SGK1: variants seen among roughly 807,000 people sequenced by gnomAD.
SGK1 encodes serine/threonine-protein kinase Sgk1.
Under a neutral mutation model 64.2 loss-of-function variants are expected in SGK1, and 26 were observed. The ratio of observed to expected loss-of-function variants is 0.40; its 90% CI spans 0.30 to 0.56. The LOEUF is 0.56. Ranked by LOEUF, SGK1 falls within the 20% of genes least tolerant of loss-of-function variation. The probability of loss-of-function intolerance (pLI) is 0.38; values close to 1 mark genes in which losing one functional copy is unlikely to be tolerated. For synonymous variants in SGK1, 265 were observed against 239.7 expected (o/e 1.11, Z -0.98); for missense variants, 519 against 645.6 (o/e 0.80, Z 2.12).
rs892100757 is a variant in SGK1 at position 134,240,472 on chromosome 6, T to C, written c.285+21461A>G. Among the ~76,000 whole-genome samples the C allele has an allele frequency of 3.3e-5, 5 of 150,562 alleles. No individual in the cohort carries two copies. In the South Asian group the frequency reaches 1.1e-3, roughly 32 times the overall value. ...ATGTAGGGAAAGGCATTTTGGCCAG[T>C]TAAATATTGTTCGGAATCCTGGCTC... On this transcript the variant is annotated intron_variant, in intron 2 of 13. Coordinates refer to ENST00000367858, the MANE Select transcript of SGK1 (RefSeq NM_001143676.3).
chr6:134,212,199 G>A (rs1384651757), intron 2 of SGK1, among the ~76,000 whole-genome samples: 3 of 151,720 alleles, frequency 2.0e-5, no homozygotes, highest in Non-Finnish European at 2.9e-5. Context: ...GACTACAGGC[G>A]CCTGCCACCA....
intron 3 of SGK1, among the ~76,000 whole-genome samples, chr6:134,189,596 T>G (rs1328647138): frequency 6.6e-6 from 1 of 152,234 alleles, no homozygotes; most frequent in African/African-American, 2.4e-5. Context: ...CATCAATTAG[T>G]ATCTACAATT....
chr6:134,188,426 C>T (rs1775456330), intron 3 of SGK1, among the ~76,000 whole-genome samples: 1 of 152,156 alleles, frequency 6.6e-6, no homozygotes, highest in Non-Finnish European at 1.5e-5. Flanking sequence ...GTTCTGCTCA[C>T]TGTGCGGGTA....
intron 3 of SGK1, among the ~76,000 whole-genome samples, chr6:134,185,357 A>G (rs1582696316): frequency 6.6e-6 from 1 of 152,064 alleles, no homozygotes; most frequent in Admixed American, 6.6e-5. Flanking sequence ...TCCTCCCAAA[A>G]TAGCCTTCTC....
intron 3 of SGK1, chr6:134,174,838 C>A: frequency 1.4e-5 from 22 of 1,613,534 alleles, no homozygotes; most frequent in East Asian, 2.2e-5. Context: ...AAGACGTTAG[C>A]GCTCAAAGAC....
At position 134,170,381 on chromosome 6, in the gene SGK1, G is replaced by A. The variant is rs1442331872; in HGVS notation, c.1468C>T (p.Pro490Ser). The change falls in exon 14 of 14, where the codon CCC becomes TCC. Residue 490 changes from proline (P) to serine (S), a missense_variant. This residue lies in a region of SGK1 where 278 missense variants were observed against 408.7 expected (regional missense o/e 0.68). Coordinates refer to ENST00000367858, the MANE Select transcript of SGK1 (RefSeq NM_001143676.3). ...FDPEFTEEPVPNSIGKSPDSV... is the reference protein window; with the variant it reads ...FDPEFTEEPVSNSIGKSPDSV... ...TCAGGGGACTTGCCAATGGAGTTGG[G>A]GACAGGCTCTTCGGTAAACTCGGGG... 2 of 1,614,058 alleles carry A rather than the reference G, an allele frequency of 1.2e-6. No individual in the cohort carries two copies. The highest frequency in any genetic ancestry group is 1.1e-5 in the South Asian group (1 of 91,070).
intron 2 of SGK1, among the ~76,000 whole-genome samples, chr6:134,255,705 C>A (rs577624330): frequency 6.7e-6 from 1 of 149,372 alleles, no homozygotes; most frequent in African/African-American, 2.5e-5. Context: ...CTGCCTCAGT[C>A]TTCCAAGTAG....
chr6:134,219,293 T>A (rs1776040299), intron 2 of SGK1, among the ~76,000 whole-genome samples: 1 of 151,876 alleles, frequency 6.6e-6, no homozygotes, highest in Non-Finnish European at 1.5e-5. Flanking sequence ...ATTACAGGCA[T>A]GAGCCACCGT....
rs188198079 is a variant in SGK1, at chr6:134,186,541, T to G, written c.362-11955A>C. On this transcript the variant is annotated intron_variant, in intron 3 of 13. Transcript: ENST00000367858. ...TACTCATCACAGTTGCAGTGCTTGGTTCTGTAACTGGTCACGTGATCATAG... is the reference window on the plus strand; with the variant it reads ...TACTCATCACAGTTGCAGTGCTTGGGTCTGTAACTGGTCACGTGATCATAG... Among the ~76,000 whole-genome samples, 303 of 152,326 alleles carry G rather than the reference T, an allele frequency of 2.0e-3. 1 individual carries two copies. The highest frequency in any genetic ancestry group is 6.9e-3 in the African/African-American group (288 of 41,574).
intron 2 of SGK1, among the ~76,000 whole-genome samples, chr6:134,218,492 G>A (rs1234218126): frequency 2.1e-5 from 3 of 142,014 alleles, no homozygotes; most frequent in African/African-American, 7.8e-5. Context: ...GGAGTGCAGT[G>A]GTGATCTTGG....
intron 1 of SGK1, among the ~76,000 whole-genome samples, chr6:134,262,793 GC>G (rs1184714286): frequency 6.6e-6 from 1 of 151,948 alleles, no homozygotes; most frequent in Non-Finnish European, 1.5e-5. Context: ...TATCTAAATA[GC>G]ACTTTGGGAG....
intron 3 of SGK1, among the ~76,000 whole-genome samples, chr6:134,198,223 G>C (rs1482569472): frequency 2.0e-5 from 3 of 152,130 alleles, no homozygotes; most frequent in Non-Finnish European, 4.4e-5. Context: ...TTGTAGTTAT[G>C]ACCTGAGTAA....
At chr6:134,289,975 C>T (rs1277981207) in intron 1 of SGK1, among the ~76,000 whole-genome samples, 1 of 151,650 alleles carries the variant, frequency 6.6e-6, no homozygotes, top group Non-Finnish European at 1.5e-5. Flanking sequence ...ATGGTGAAAC[C>T]CCATCTCTAC....
intron 2 of SGK1, among the ~76,000 whole-genome samples, chr6:134,247,768 A>G (rs1298917852): frequency 6.6e-6 from 1 of 152,194 alleles, no homozygotes; most frequent in Non-Finnish European, 1.5e-5. Context: ...TCTATGTCAT[A>G]CAATTTATGC....
intron 2 of SGK1, chr6:134,215,046 A>C (rs1216146825): frequency 2.2e-6 from 1 of 455,810 alleles, no homozygotes; most frequent in African/African-American, 2.0e-5. Context: ...GTGTATGAGA[A>C]TATCACATTT....
intron 1 of SGK1, among the ~76,000 whole-genome samples, chr6:134,286,253 C>A (rs1777181870): frequency 6.6e-6 from 1 of 152,148 alleles, no homozygotes; most frequent in Non-Finnish European, 1.5e-5. Context: ...CGCCTCGTGG[C>A]TCATGCCTGT....
chr6:134,199,983 G>T (rs1366619139), intron 3 of SGK1, among the ~76,000 whole-genome samples: 1 of 152,160 alleles, frequency 6.6e-6, no homozygotes, highest in Non-Finnish European at 1.5e-5. Flanking sequence ...AACATTATCT[G>T]TGTTGCCAAT....
At chr6:134,251,675 G>C (rs962611282) in intron 2 of SGK1, among the ~76,000 whole-genome samples, 1 of 152,134 alleles carries the variant, frequency 6.6e-6, no homozygotes, top group Non-Finnish European at 1.5e-5. Flanking sequence ...AGTGAGCTAC[G>C]AGTGCAGCCA....
chr6:134,227,619 T>C (rs956299039), intron 2 of SGK1, among the ~76,000 whole-genome samples: 10 of 152,230 alleles, frequency 6.6e-5, no homozygotes, highest in South Asian at 6.2e-4. Context: ...CATGTTGTCC[T>C]AAAGTGCTTT....
Sources: gnomAD v4.1 joint callset for allele counts (sites outside exome capture counted in the v4.1 genomes callset) on GRCh38, gnomAD v4.1.1 for gene constraint, gnomAD v4.1.1 regional missense constraint, MANE v1.5 for transcripts, NCBI Gene and HGNC (gene_info 2026-07-23, HGNC 2026-07-21) for gene names.